KPTN: variants seen among roughly 807,000 people sequenced by gnomAD.
KPTN encodes kaptin, actin binding protein, also known as KICSTOR complex protein kaptin.
A neutral mutation model predicts 52.6 loss-of-function variants in KPTN; 36 were observed. That is an observed-to-expected ratio of 0.68 (90% confidence interval 0.52 to 0.90). KPTN has a LOEUF of 0.90. Among genes scored for constraint, KPTN ranks in the 40% least tolerant of loss-of-function variants. KPTN has a pLI of 0.00. For missense variants in KPTN, 529 were observed against 576.2 expected (o/e 0.92, Z 0.84); for synonymous variants, 271 against 248.4 (o/e 1.09, Z -0.85).
rs116726006 is a variant in KPTN at position 47,478,134 on chromosome 19, G to A, written c.788-353C>T. ...TGTGGGGACAGGTTCCAGGCTCCTC[G>A]TCATACCCCAGGCCCCTTTAATGAG... On this transcript the variant is annotated intron_variant, in intron 8 of 11. Coordinates refer to ENST00000338134, the MANE Select transcript of KPTN (RefSeq NM_007059.4). 7.2e-3 allele frequency among the ~76,000 whole-genome samples: 1,100 copies of A among 152,064 alleles called. 8 individuals carry two copies. Among genetic ancestry groups the A allele is most frequent in the African/African-American group, 0.025 (1,051 of 41,470 alleles).
chr19:47,480,037 C>G, intron 7 of KPTN, 97 bp from the exon 8 acceptor site: 1 of 962,102 alleles, frequency 1.0e-6, no homozygotes, highest in Non-Finnish European at 1.6e-6. Flanking sequence ...TCATCCCCAC[C>G]CTAGCCCCGC....
At position 47,479,874 on chromosome 19, in the gene KPTN, G is replaced by A. The variant is rs374298314; in HGVS notation, c.776C>T (p.Ser259Leu). The change falls in exon 8 of 12, where the codon TCG (serine) becomes TTG (leucine). Residue 259 changes from serine to leucine, a missense_variant. By Grantham distance (145) the Ser-to-Leu change is moderately radical (BLOSUM62 -2). Coordinates refer to ENST00000338134, the MANE Select transcript of KPTN (RefSeq NM_007059.4). ...PISRVIVFSL[S>L]AAKETKDRPL... is the part of the protein sequence containing the mutation. ...AACCCAGAGCTCACCCTTGGCGGCC[G>A]AGAGGCTGAACACAATCACTCGGGA... 3.7e-6 allele frequency: 6 copies of A among 1,612,754 alleles called. No homozygotes were observed. The highest frequency in any genetic ancestry group is 1.7e-5 in the Admixed American group (1 of 59,948).
In KPTN at chr19:47,483,298, C is replaced by T. The variant is rs1230999094; in HGVS notation, c.391G>A (p.Ala131Thr). The change falls in exon 3 of 12, where the codon GCC becomes ACC. Residue 131 changes from alanine (A) to threonine (T), a missense_variant. Coordinates refer to ENST00000338134, the MANE Select transcript of KPTN (RefSeq NM_007059.4). ...PGSEYNLDSI[A>T]QSCLNLELQF... Reference sequence around the variant, plus strand: ...CTCCCGTCCACGCCTCACTCACGGGCAATAGAGTCAAGGTTGTACTCAGAG... The same window carrying T: ...CTCCCGTCCACGCCTCACTCACGGGTAATAGAGTCAAGGTTGTACTCAGAG... 2 of 1,613,870 alleles carry T rather than the reference C, an allele frequency of 1.2e-6. No homozygotes were observed. The highest frequency in any genetic ancestry group is 2.7e-5 in the African/African-American group (2 of 74,906).
intron 7 of KPTN, 32 bp from the exon 8 acceptor site, chr19:47,479,972 C>T (rs1452152029): frequency 1.9e-6 from 3 of 1,574,676 alleles, no homozygotes; most frequent in East Asian, 4.6e-5. Context: ...AGAGCCCCAA[C>T]CCCACCCCGG....
Position 47,484,072 on chromosome 19 carries a change from C to G in KPTN, c.89G>C (p.Gly30Ala). 6.2e-7 allele frequency: 1 copy of G among 1,610,298 alleles called. No homozygotes were observed. The highest frequency in any genetic ancestry group is 1.1e-5 in the South Asian group (1 of 91,050). The change falls in exon 1 of 12, where the codon GGG becomes GCG. Residue 30 changes from glycine to alanine, a missense_variant. Gly to Ala is a moderately conservative substitution (Grantham distance 60). Transcript: ENST00000338134. Reference protein sequence around the residue: ...TRFSSQSNVYGLAGGAGGRGE... With the variant: ...TRFSSQSNVYALAGGAGGRGE... ...GCGCCCGCCGGCGCCGCCTGCCAGC[C>G]CGTACACATTGCTCTGCGACGAGAA...
chr19:47,484,133 C>G lies in KPTN; in HGVS notation c.28G>C (p.Gly10Arg), dbSNP rs1568459210. 1 of 1,599,582 alleles carries G rather than the reference C, an allele frequency of 6.3e-7. No individual in the cohort carries two copies. Among genetic ancestry groups the G allele is most frequent in the Non-Finnish European group, 8.5e-7 (1 of 1,178,938 alleles). The part of the protein sequence containing the change: MMGEAAVAA[G>R]PCPLREDSFT... The stretch of plus-strand genomic sequence containing the variant: ...CTGTCCTCGCGCAACGGACAAGGCC[C>G]CGCGGCCACGGCCGCCTCCCCCATC... Residue 10 changes from glycine to arginine, a missense_variant, in exon 1 of 12, where the codon GGG (glycine) becomes CGG (arginine). Coordinates refer to ENST00000338134, the MANE Select transcript of KPTN (RefSeq NM_007059.4).
rs1967758303 is a variant in KPTN at position 47,478,575 on chromosome 19, A to AAAAAAAAAC, written c.788-795_788-794insGTTTTTTTT. 1.3e-5 allele frequency among the ~76,000 whole-genome samples: 2 copies of AAAAAAAAAC among 150,202 alleles called. 1 individual carries two copies. The highest frequency in any genetic ancestry group is 4.2e-4 in the South Asian group (2 of 4,764). Reference sequence around the variant, plus strand: ...CTGACCAAGACTCTGTCTAAAAAAAAAAAAAAAAAAAAAGACATTTGTGCA... The same window carrying AAAAAAAAAC: ...CTGACCAAGACTCTGTCTAAAAAAAAAAAAAAAACAAAAAAAAAAAAAGACATTTGTGCA... On this transcript the variant is annotated intron_variant, in intron 8 of 11. Transcript: ENST00000338134.
chr19:47,484,900 A>G (rs1274832858), upstream of KPTN, among the ~76,000 whole-genome samples: 3 of 152,022 alleles, frequency 2.0e-5, no homozygotes, highest in Non-Finnish European at 4.4e-5. Flanking sequence ...GGGTTTCGCC[A>G]TGTTGCCCAG....
chr19:47,476,742 A>T, intron 10 of KPTN, 28 bp from the exon 11 acceptor site: 1 of 1,607,188 alleles, frequency 6.2e-7, no homozygotes, highest in Non-Finnish European at 8.5e-7. Context: ...CAGGTCACAC[A>T]GGTTGATGGG....
Position 47,479,902 on chromosome 19 carries a change from T to C in KPTN, c.748A>G (p.Ile250Val), listed in dbSNP as rs1370832294. ...AGGCTGAACACAATCACTCGGGAGATGGGACCGTCCTGCAGGACCGACCAC... is the reference window on the plus strand; with the variant it reads ...AGGCTGAACACAATCACTCGGGAGACGGGACCGTCCTGCAGGACCGACCAC... ...QMWSVLQDGP[I>V]SRVIVFSLSA... Residue 250 changes from isoleucine to valine, a missense_variant, in exon 8 of 12, where the codon ATC becomes GTC. Coordinates refer to ENST00000338134, the MANE Select transcript of KPTN (RefSeq NM_007059.4). The C allele has an allele frequency of 1.2e-6, 2 of 1,613,008 alleles. No individual in the cohort carries two copies. Among genetic ancestry groups the C allele is most frequent in the African/African-American group, 2.7e-5 (2 of 74,792 alleles).
Position 47,476,652 on chromosome 19 carries a change from G to C in KPTN, c.1062C>G (p.Phe354Leu). The C allele has an allele frequency of 6.2e-7, 1 of 1,613,052 alleles. No homozygotes were observed. The highest frequency in any genetic ancestry group is 8.5e-7 in the Non-Finnish European group (1 of 1,179,800). Residue 354 changes from phenylalanine to leucine, a missense_variant, in exon 11 of 12, where the codon TTC becomes TTG. Coordinates refer to ENST00000338134, the MANE Select transcript of KPTN (RefSeq NM_007059.4). ...ESGLPEAQHG[F>L]HLLWQRSFSS... ...AGAAGCTCCGCTGCCACAGCAGATGGAACCCGTGCTGGGCCTCAGGAAGCC... is the reference window on the plus strand; with the variant it reads ...AGAAGCTCCGCTGCCACAGCAGATGCAACCCGTGCTGGGCCTCAGGAAGCC...
chr19:47,482,175 G>A (rs938455612), intron 4 of KPTN, among the ~76,000 whole-genome samples: 6 of 152,124 alleles, frequency 3.9e-5, no homozygotes, highest in East Asian at 1.9e-4. Flanking sequence ...TTGGCCATCC[G>A]GTCCATGGCC....
At chr19:47,485,165 G>A (rs1446407568), upstream of KPTN, among the ~76,000 whole-genome samples, 1 of 152,010 alleles carries the variant, frequency 6.6e-6, no homozygotes, top group African/African-American at 2.4e-5. Context: ...GTTCTGCAAG[G>A]GCCTACTGTT....
At chr19:47,480,475 CA>C (rs1193949341) in intron 6 of KPTN, 68 bp from the exon 7 acceptor site, 1 of 1,152,566 alleles carries the variant, frequency 8.7e-7, no homozygotes, top group Non-Finnish European at 1.2e-6. Context: ...TCTGCCTCCC[CA>C]GGGGCAGCCG....
At chr19:47,481,392 A>G (rs1215745335) in intron 4 of KPTN, among the ~76,000 whole-genome samples, 1 of 152,214 alleles carries the variant, frequency 6.6e-6, no homozygotes, top group South Asian at 2.1e-4. Context: ...GCAGAACCTT[A>G]GAAAGCTAGG....
intron 4 of KPTN, 160 bp downstream of exon 4, chr19:47,483,001 C>T: frequency 1.3e-6 from 1 of 760,296 alleles, no homozygotes; most frequent in Admixed American, 2.0e-5. Flanking sequence ...GCCACCGTGC[C>T]CGGCTGGCAT....
chr19:47,480,267 A>T, intron 7 of KPTN, 31 bp downstream of exon 7: 1 of 538,812 alleles, frequency 1.9e-6, no homozygotes, highest in Non-Finnish European at 2.7e-6. Flanking sequence ...CCTCAACCCC[A>T]CCCCTTACCC....
intron 1 of KPTN, 42 bp from the exon 2 acceptor site, chr19:47,483,626 T>C: frequency 7.1e-7 from 1 of 1,405,464 alleles, no homozygotes; most frequent in Non-Finnish European, 9.8e-7. Flanking sequence ...GGCAGACTCA[T>C]GCTTCCAATC....
chr19:47,479,987 G>A (rs1322924330), intron 7 of KPTN, 47 bp from the exon 8 acceptor site: 1 of 1,084,700 alleles, frequency 9.2e-7, no homozygotes, highest in East Asian at 4.5e-5. Context: ...CCCCGGTCCC[G>A]CCCGCAGCCC....
Sources: allele counts gnomAD v4.1 joint callset (sites outside exome capture counted in the v4.1 genomes callset), GRCh38; gene constraint gnomAD v4.1.1; transcripts MANE v1.5; gene names NCBI Gene and HGNC (gene_info 2026-07-23, HGNC 2026-07-21).